Variants in SCML2 observed in about 807,000 individuals in gnomAD.
The protein encoded by SCML2 is sex comb on midleg-like protein 2.
Under a neutral mutation model 48.4 loss-of-function variants are expected in SCML2, and 6 were observed. The observed-to-expected ratio is 0.12, with a 90% confidence interval of 0.07 to 0.24. The LOEUF (loss-of-function observed/expected upper bound fraction) is 0.24. SCML2 is among the 10% of genes least tolerant of loss of function. The pLI, the probability that SCML2 is intolerant of heterozygous loss-of-function variation, is 1.00. For missense variants in SCML2, 377 were observed against 528.2 expected (o/e 0.71, Z 2.81); for synonymous variants, 181 against 189.5 (o/e 0.95, Z 0.37).
chrX:18,343,129 T>C (rs926193086), intron 1 of SCML2, among the ~76,000 whole-genome samples: 10 of 110,559 alleles, frequency 9.0e-5, no homozygotes, highest in African/African-American at 3.0e-4. Context: ...TTCTTTTCTC[T>C]TTTTTATTTT....
intron 11 of SCML2, among the ~76,000 whole-genome samples, chrX:18,251,723 G>A (rs1926672760): frequency 8.9e-6 from 1 of 111,983 alleles, no homozygotes; most frequent in Admixed American, 9.5e-5. Context: ...AGTCTGTCAG[G>A]TCCTCATCAA....
chrX:18,339,352 C>T (rs1454140349), intron 1 of SCML2, among the ~76,000 whole-genome samples: 1 of 112,259 alleles, frequency 8.9e-6, no homozygotes, highest in African/African-American at 3.2e-5. Context: ...TCATCTCATG[C>T]TGTATGACTT....
intron 7 of SCML2, among the ~76,000 whole-genome samples, chrX:18,286,937 G>A (rs1261109713): frequency 2.7e-5 from 3 of 110,144 alleles, no homozygotes; most frequent in Non-Finnish European, 5.7e-5. Context: ...AACCCTTGTT[G>A]GACCTTGCAC....
At chrX:18,293,121 T>G (rs1928287217) in intron 7 of SCML2, among the ~76,000 whole-genome samples, 2 of 111,918 alleles carry the variant, frequency 1.8e-5, no homozygotes. Context: ...CTTTTTCTAT[T>G]AGAAGAAAAT....
chrX:18,285,442 A>G, intron 7 of SCML2, among the ~76,000 whole-genome samples: 1 of 109,769 alleles, frequency 9.1e-6, no homozygotes, highest in South Asian at 3.9e-4. Context: ...CTAAGCAAAT[A>G]AACACAAGAC....
chrX:18,334,408 T>G (rs1929746770), intron 1 of SCML2, among the ~76,000 whole-genome samples: 1 of 111,653 alleles, frequency 9.0e-6, no homozygotes, highest in Non-Finnish European at 1.9e-5. Flanking sequence ...AGGGTGAGTT[T>G]TATGGTATGC....
chrX:18,277,841 T>C (rs1017410782), intron 7 of SCML2, among the ~76,000 whole-genome samples: 2 of 110,908 alleles, frequency 1.8e-5, no homozygotes, highest in Non-Finnish European at 3.8e-5. Context: ...GATGGCCAAC[T>C]AGACACAGCA....
chrX:18,241,520 A>G, intron 14 of SCML2, 141 bp from the exon 15 acceptor site: 1 of 367,440 alleles, frequency 2.7e-6, no homozygotes, highest in Non-Finnish European at 4.3e-6. Flanking sequence ...ACTATTAAAA[A>G]TATAATTTAT....
At chrX:18,313,538 G>C (rs1929026393) in intron 6 of SCML2, among the ~76,000 whole-genome samples, 1 of 111,341 alleles carries the variant, frequency 9.0e-6, no homozygotes, top group Non-Finnish European at 1.9e-5. Context: ...CATGAAAACA[G>C]ACTAATACAG....
chrX:18,241,255 C>T lies in SCML2; in HGVS notation c.2099G>A (p.Ser700Asn). 1 of 1,187,959 alleles carries T rather than the reference C, an allele frequency of 8.4e-7. No individual in the cohort carries two copies. The highest frequency in any genetic ancestry group is 1.1e-6 in the Non-Finnish European group (1 of 883,026). The stretch of plus-strand genomic sequence containing the variant: ...AATCTAAACTTACACATTTTTTTAA[C>T]TGTATTTTCCTTCTTTAAGCTTTTC... ...YIEKLKEGKY[S>N] The change falls in exon 15 of 15, where the codon AGT (serine) becomes AAT (asparagine). Residue 700 changes from serine (S) to asparagine (N), a missense_variant. This residue lies in a region of SCML2 where 299 missense variants were observed against 425.5 expected (regional missense o/e 0.70). Coordinates refer to ENST00000251900, the MANE Select transcript of SCML2 (RefSeq NM_006089.3).
At chrX:18,293,095 T>C (rs1050272536) in intron 7 of SCML2, among the ~76,000 whole-genome samples, 7 of 111,875 alleles carry the variant, frequency 6.3e-5, no homozygotes, top group Non-Finnish European at 9.4e-5. Context: ...TCCCAATATT[T>C]TGCTTTGAGC....
rs768614879 is a variant in SCML2 at position 18,342,711 on chromosome X, C to CA, written c.-24-8617dup. On this transcript the variant is annotated intron_variant, in intron 1 of 14. Coordinates refer to ENST00000251900, the MANE Select transcript of SCML2 (RefSeq NM_006089.3). ...TGGGCAACAGAGCAAGACTCCATCT[C>CA]AAAAAAAAAAAAAAAGACTACAGTT... is the stretch of plus-strand genomic sequence containing the variant. Among the ~76,000 whole-genome samples, 296 of 71,147 alleles carry CA rather than the reference C, an allele frequency of 4.2e-3. 1 individual carries two copies. The highest frequency in any genetic ancestry group is 0.011 in the South Asian group (17 of 1,535). 61.8% of individuals were successfully genotyped at this position (71,147 alleles called of 115,157 possible).
chrX:18,313,679 T>G (rs1929030113), intron 6 of SCML2, among the ~76,000 whole-genome samples: 1 of 111,401 alleles, frequency 9.0e-6, no homozygotes, highest in Admixed American at 9.6e-5. Context: ...CCCTCTCCCA[T>G]CCCGTATGGC....
intron 11 of SCML2, among the ~76,000 whole-genome samples, chrX:18,251,800 T>A (rs772773330): frequency 8.9e-6 from 1 of 112,394 alleles, no homozygotes; most frequent in African/African-American, 3.2e-5. Flanking sequence ...AGAACACGTA[T>A]CCACACAAAA....
At chrX:18,321,218 TCTTC>T (rs1569159625) in intron 5 of SCML2, among the ~76,000 whole-genome samples, 8 of 111,669 alleles carry the variant, frequency 7.2e-5, no homozygotes, top group Non-Finnish European at 1.3e-4. Context: ...CTAAAAATGA[TCTTC>T]TTTTAGAATT....
At chrX:18,329,968 C>T (rs1929602572) in intron 3 of SCML2, among the ~76,000 whole-genome samples, 1 of 111,963 alleles carries the variant, frequency 8.9e-6, no homozygotes, top group African/African-American at 3.2e-5. Context: ...GTCCCAGCTA[C>T]TCGGGAGGCT....
In SCML2 at chrX:18,273,373, G is replaced by C. The variant is rs192435016; in HGVS notation, c.731-7571C>G. On this transcript the variant is annotated intron_variant, in intron 7 of 14. Coordinates refer to ENST00000251900, the MANE Select transcript of SCML2 (RefSeq NM_006089.3). Reference sequence around the variant, plus strand: ...TAGCATAGGCCTCTTGCAAGTTCCAGAGATGTTTTCAATAGCCAACTAGAT... The same window carrying C: ...TAGCATAGGCCTCTTGCAAGTTCCACAGATGTTTTCAATAGCCAACTAGAT... Among the ~76,000 whole-genome samples, 61 of 111,498 alleles carry C rather than the reference G, an allele frequency of 5.5e-4. 1 individual carries two copies. Among genetic ancestry groups the C allele is most frequent in the Middle Eastern group, 9.2e-3 (2 of 217 alleles).
chrX:18,250,310 T>A (rs926426835), intron 11 of SCML2, among the ~76,000 whole-genome samples: 1 of 111,724 alleles, frequency 9.0e-6, no homozygotes, highest in East Asian at 2.8e-4. Context: ...CCTCCCAGGT[T>A]CAAATGATTC....
chrX:18,255,642 G>A (rs889204943), intron 11 of SCML2, among the ~76,000 whole-genome samples: 1 of 111,971 alleles, frequency 8.9e-6, no homozygotes, highest in Non-Finnish European at 1.9e-5. Flanking sequence ...CAAGGAAATG[G>A]AAAAAAGGGG....
Sources: allele counts gnomAD v4.1 joint callset (sites outside exome capture counted in the v4.1 genomes callset), GRCh38; gene constraint gnomAD v4.1.1; regional missense constraint gnomAD v4.1.1; transcripts MANE v1.5; gene names NCBI Gene and HGNC (gene_info 2026-07-23, HGNC 2026-07-21).